The following FRY variants were observed in gnomAD, a reference collection of about 807,000 sequenced individuals.
FRY encodes the protein protein furry homolog.
In FRY, 128 loss-of-function variants were observed where a neutral mutation model predicts 348.4. That is an observed-to-expected ratio of 0.37 (90% confidence interval 0.32 to 0.43). The LOEUF (loss-of-function observed/expected upper bound fraction) is 0.43. Among genes scored for constraint, FRY ranks in the 20% least tolerant of loss-of-function variants. The pLI, the probability that FRY is intolerant of heterozygous loss-of-function variation, is 1.00. For synonymous variants in FRY, 1,370 were observed against 1,374.7 expected (o/e 1.00, Z 0.08); for missense variants, 2,736 against 3,695.2 (o/e 0.74, Z 6.73).
At chr13:32,054,689 C>T (rs577420545) in intron 1 of FRY, among the ~76,000 whole-genome samples, 7 of 151,948 alleles carry the variant, frequency 4.6e-5, no homozygotes, top group East Asian at 3.9e-4. Flanking sequence ...CTGGCAAACA[C>T]GGTGAGACCC....
At chr13:32,102,717 A>C (rs1379914435) in intron 3 of FRY, among the ~76,000 whole-genome samples, 1 of 152,250 alleles carries the variant, frequency 6.6e-6, no homozygotes, top group African/African-American at 2.4e-5. Flanking sequence ...ATTCTGGTTC[A>C]GTAACCAGGA....
In FRY at chr13:32,225,884, A is replaced by G. The variant is rs572996204; in HGVS notation, c.5116A>G (p.Ile1706Val). 4.4e-5 allele frequency: 71 copies of G among 1,614,076 alleles called. No homozygotes were observed. Among genetic ancestry groups the G allele is most frequent in the Middle Eastern group, 3.3e-4 (2 of 6,062 alleles). ...CTCTTGCAACAGCAATTTCCATTCC[A>G]TTGCTTCCGTGCTCCTGCAGACCCG... ...ALSCNSNFHS[I>V]ASVLLQTREM... Residue 1706 changes from isoleucine (I) to valine (V), a missense_variant, in exon 39 of 61, where the codon ATT (isoleucine) becomes GTT (valine). Coordinates refer to ENST00000542859, the MANE Select transcript of FRY (RefSeq NM_023037.3).
In FRY at chr13:32,085,923, T is replaced by C. The variant is rs755644955; in HGVS notation, c.270+6890T>C. The C allele has an allele frequency of 9.6e-6, 5 of 518,838 alleles. No homozygotes were observed. The East Asian group carries it at 2.2e-4, about 23-fold the overall frequency. 32.1% of individuals were successfully genotyped at this position (518,838 alleles called of 1,614,324 possible). A position where few individuals can be genotyped will look rare whatever the true frequency, so the allele number is the denominator to read the frequency against. On this transcript the variant is annotated intron_variant, in intron 2 of 60. Coordinates refer to ENST00000542859, the MANE Select transcript of FRY (RefSeq NM_023037.3). ...CTCCAGGTGCTCATGCTTTGGGAGA[T>C]GACAGAGGCAAACAAAGTACTTAAG...
intron 39 of FRY, among the ~76,000 whole-genome samples, chr13:32,228,083 A>T (rs1318634393): frequency 6.6e-5 from 10 of 152,186 alleles, no homozygotes; most frequent in Non-Finnish European, 2.9e-5. Context: ...AATACCCAGG[A>T]ATAATTTATT....
chr13:32,290,796 C>CA lies in FRY; in HGVS notation c.8580+1060dup, dbSNP rs1486790307. Reference sequence around the variant, plus strand: ...GAGGAAGGAAATGTGAGACACGGGACAAAAAAATCAATGAAACTAATGGGG... The same window carrying CA: ...GAGGAAGGAAATGTGAGACACGGGACAAAAAAAATCAATGAAACTAATGGGG... On this transcript the variant is annotated intron_variant, in intron 59 of 60. Transcript: ENST00000542859. Among the ~76,000 whole-genome samples the CA allele has an allele frequency of 1.5e-4, 22 of 151,040 alleles. No homozygotes were observed. The East Asian group carries it at 1.8e-3, about 12-fold the overall frequency.
At chr13:32,220,020 G>A (rs1300870927) in intron 36 of FRY, among the ~76,000 whole-genome samples, 1 of 152,122 alleles carries the variant, frequency 6.6e-6, no homozygotes, top group East Asian at 1.9e-4. Flanking sequence ...AGTATTAATT[G>A]GTCACAAGTT....
intron 39 of FRY, 126 bp from the exon 40 acceptor site, chr13:32,228,330 A>G: frequency 1.2e-6 from 1 of 805,772 alleles, no homozygotes. Flanking sequence ...CACAGCCGAA[A>G]GCAACCATTT....
intron 16 of FRY, among the ~76,000 whole-genome samples, chr13:32,158,951 C>CAAAAAAAAAA: frequency 3.1e-5 from 1 of 32,772 alleles, no homozygotes; most frequent in Non-Finnish European, 5.7e-5. Context: ...GCTGTTTCCT[C>CAAAAAAAAAA]AAAAAAAAAA....
At chr13:32,157,128 G>C in intron 15 of FRY, 145 bp from the exon 16 acceptor site, 1 of 714,694 alleles carries the variant, frequency 1.4e-6, no homozygotes, top group South Asian at 1.6e-5. Context: ...AAGCTGTGCA[G>C]ATGAGATTGA....
chr13:32,135,930 C>T (rs1184836764), intron 10 of FRY, among the ~76,000 whole-genome samples: 4 of 152,110 alleles, frequency 2.6e-5, no homozygotes, highest in Admixed American at 2.0e-4. Context: ...CGTCTACATT[C>T]TGTGGTCATT....
intron 50 of FRY, among the ~76,000 whole-genome samples, chr13:32,252,584 A>G (rs1269032784): frequency 1.3e-5 from 2 of 152,218 alleles, no homozygotes; most frequent in Non-Finnish European, 2.9e-5. Flanking sequence ...TAGTTTCACC[A>G]GGTATTTTTG....
chr13:32,058,864 C>A (rs1419512216), intron 1 of FRY, among the ~76,000 whole-genome samples: 1 of 152,172 alleles, frequency 6.6e-6, no homozygotes, highest in Non-Finnish European at 1.5e-5. Context: ...GTTTAGAAGT[C>A]TCAATCATAT....
intron 2 of FRY, among the ~76,000 whole-genome samples, chr13:32,094,414 G>A (rs1189585416): frequency 6.6e-6 from 1 of 151,734 alleles, no homozygotes; most frequent in Admixed American, 6.6e-5. Flanking sequence ...ATTATTATTC[G>A]CTATCATCAC....
chr13:32,084,579 A>T (rs1001849269), intron 2 of FRY, among the ~76,000 whole-genome samples: 1 of 152,122 alleles, frequency 6.6e-6, no homozygotes, highest in Non-Finnish European at 1.5e-5. Context: ...AACAACTTAT[A>T]CGTATCTGCA....
At chr13:32,270,503 G>A (rs112993900) in intron 55 of FRY, among the ~76,000 whole-genome samples, 2,272 of 152,322 alleles carry the variant, frequency 0.015, 58 homozygotes, top group African/African-American at 0.052. Flanking sequence ...CACGGCGCCC[G>A]ACCTCTAAAA....
chr13:32,293,412 T>A (rs189867360), intron 59 of FRY, among the ~76,000 whole-genome samples: 2 of 152,172 alleles, frequency 1.3e-5, no homozygotes, highest in African/African-American at 2.4e-5. Context: ...GAAAAAATAA[T>A]CCTTCAAGGC....
chr13:32,271,929 G>C (rs1888224053), intron 55 of FRY, among the ~76,000 whole-genome samples: 1 of 151,910 alleles, frequency 6.6e-6, no homozygotes, highest in African/African-American at 2.4e-5. Flanking sequence ...GGCCCTGGGG[G>C]GACTCATTTG....
chr13:32,274,635 G>C lies in FRY; in HGVS notation c.8137-207G>C, dbSNP rs189954513. ...AGGAGAATGGCGTGAACCTGGGAGGGGGAGCTTGCAGTGAGCCGAGATCGC... is the reference window on the plus strand; with the variant it reads ...AGGAGAATGGCGTGAACCTGGGAGGCGGAGCTTGCAGTGAGCCGAGATCGC... On this transcript the variant is annotated intron_variant, in intron 55 of 60. Transcript: ENST00000542859. Among the ~76,000 whole-genome samples, 1,212 of 148,558 alleles carry C rather than the reference G, an allele frequency of 8.2e-3. 9 individuals carry two copies. Among genetic ancestry groups the C allele is most frequent in the South Asian group, 0.017 (79 of 4,660 alleles).
intron 2 of FRY, 54 bp downstream of exon 2, chr13:32,079,087 A>G: frequency 4.3e-6 from 5 of 1,171,950 alleles, no homozygotes; most frequent in Non-Finnish European, 6.4e-6. Flanking sequence ...TATGCTGAAT[A>G]TACTAGATTT....
Sources: gnomAD v4.1 joint callset for allele counts (sites outside exome capture counted in the v4.1 genomes callset) on GRCh38, gnomAD v4.1.1 for gene constraint, MANE v1.5 for transcripts, NCBI Gene and HGNC (gene_info 2026-07-23, HGNC 2026-07-21) for gene names.